FBXL4: variants seen among roughly 807,000 people sequenced by gnomAD.
The protein encoded by FBXL4 is F-box/LRR-repeat protein 4.
A neutral mutation model predicts 58.9 loss-of-function variants in FBXL4; 40 were observed. The observed-to-expected ratio is 0.68, with a 90% CI of 0.53 to 0.88. The LOEUF (loss-of-function observed/expected upper bound fraction) is 0.88, where lower values mean the gene tolerates loss of function less well. FBXL4 is among the 40% of genes least tolerant of loss of function. FBXL4 has a pLI of 0.00. For synonymous variants in FBXL4, 263 were observed against 265.5 expected (o/e 0.99, Z 0.09); for missense variants, 676 against 734.4 (o/e 0.92, Z 0.92).
chr6:98,912,445 C>A (rs183187981), intron 5 of FBXL4, among the ~76,000 whole-genome samples: 1,783 of 152,134 alleles, frequency 0.012, 35 homozygotes, highest in Middle Eastern at 0.061. Flanking sequence ...GGTTACCCAC[C>A]AAGGGAAGCC....
Position 98,924,168 on chromosome 6 carries a change from C to T in FBXL4, c.512+2309G>A, listed in dbSNP as rs187536074. ...ACTGGAGAAAACACATTACATGTTCCATTGATCTCCTCCCTAAATCTTTTC... is the reference window on the plus strand; with the variant it reads ...ACTGGAGAAAACACATTACATGTTCTATTGATCTCCTCCCTAAATCTTTTC... On this transcript the variant is annotated intron_variant, in intron 4 of 9. Transcript: ENST00000369244. Among the ~76,000 whole-genome samples, 283 of 152,260 alleles carry T rather than the reference C, an allele frequency of 1.9e-3. 2 individuals are homozygous for T. Among genetic ancestry groups the T allele is most frequent in the African/African-American group, 6.7e-3 (277 of 41,558 alleles).
At chr6:98,947,503 T>C (rs1287577939) in intron 1 of FBXL4, among the ~76,000 whole-genome samples, 1 of 152,190 alleles carries the variant, frequency 6.6e-6, no homozygotes, top group Non-Finnish European at 1.5e-5. Context: ...CCCCGCGGTG[T>C]AAACAACCCT....
At chr6:98,909,078 A>G (rs996608691) in intron 5 of FBXL4, among the ~76,000 whole-genome samples, 19 of 152,148 alleles carry the variant, frequency 1.2e-4, no homozygotes, top group African/African-American at 4.6e-4. Context: ...AGGAAAACCG[A>G]TATTTTTACT....
At chr6:98,939,638 T>C (rs1008321809) in intron 1 of FBXL4, among the ~76,000 whole-genome samples, 1 of 152,230 alleles carries the variant, frequency 6.6e-6, no homozygotes, top group Admixed American at 6.5e-5. Context: ...TAACCATAGC[T>C]GCAGACTGTA....
chr6:98,941,794 G>A (rs1773442128), intron 1 of FBXL4, among the ~76,000 whole-genome samples: 1 of 152,110 alleles, frequency 6.6e-6, no homozygotes, highest in Admixed American at 6.6e-5. Flanking sequence ...TAAAGACAGG[G>A]AAACAAGTTA....
intron 7 of FBXL4, among the ~76,000 whole-genome samples, chr6:98,896,455 T>G (rs886205622): frequency 6.6e-6 from 1 of 152,164 alleles, no homozygotes; most frequent in Non-Finnish European, 1.5e-5. Flanking sequence ...CTGATACAGA[T>G]CCCAAGAATG....
intron 5 of FBXL4, among the ~76,000 whole-genome samples, chr6:98,913,311 C>T (rs939958727): frequency 2.0e-5 from 3 of 152,128 alleles, no homozygotes; most frequent in African/African-American, 4.8e-5. Context: ...GAACTCAGCT[C>T]GGCATCAAGC....
chr6:98,928,159 C>G (rs1205322673), intron 2 of FBXL4, among the ~76,000 whole-genome samples: 1 of 152,158 alleles, frequency 6.6e-6, no homozygotes, highest in East Asian at 1.9e-4. Context: ...CATGAGCTCT[C>G]TCAGTGGCCA....
rs1048905949 is a variant in FBXL4, at chr6:98,899,143, G to A, written c.1317+125C>T. On this transcript the variant is annotated intron_variant, in intron 7 of 9. Transcript: ENST00000369244. ...CTGAATCAGCTCTATTGATTTCAGA[G>A]TAGTCAGAAGGCATCATAAACTTGA... 5 of 1,451,822 alleles carry A rather than the reference G, an allele frequency of 3.4e-6. No homozygotes were observed. The African/African-American group carries it at 5.7e-5, about 17-fold the overall frequency. The allele number at this position is 1,451,822 out of a possible 1,614,324, so 89.9% of individuals were successfully genotyped here.
chr6:98,893,716 T>C (rs1285561533), intron 7 of FBXL4, among the ~76,000 whole-genome samples: 1 of 152,208 alleles, frequency 6.6e-6, no homozygotes, highest in African/African-American at 2.4e-5. Context: ...TATTATGTTT[T>C]CAACTTATAT....
chr6:98,888,874 T>C (rs1211590085), intron 7 of FBXL4, among the ~76,000 whole-genome samples: 1 of 152,202 alleles, frequency 6.6e-6, no homozygotes, highest in Non-Finnish European at 1.5e-5. Context: ...CAATGATTTA[T>C]TTTACATTCC....
intron 4 of FBXL4, among the ~76,000 whole-genome samples, chr6:98,920,023 C>T (rs1772519505): frequency 6.6e-6 from 1 of 151,990 alleles, no homozygotes. Flanking sequence ...TTAAGAAGAA[C>T]ACTGAAAATA....
At chr6:98,881,006 A>C (rs1047373578) in intron 7 of FBXL4, among the ~76,000 whole-genome samples, 1 of 152,022 alleles carries the variant, frequency 6.6e-6, no homozygotes, top group Non-Finnish European at 1.5e-5. Context: ...AAGACAAAAA[A>C]CCCGCAGCAG....
chr6:98,885,693 A>G (rs944820397), intron 7 of FBXL4, among the ~76,000 whole-genome samples: 1 of 152,156 alleles, frequency 6.6e-6, no homozygotes, highest in African/African-American at 2.4e-5. Flanking sequence ...TCAGACTACA[A>G]CTACACTATC....
At chr6:98,919,974 T>C (rs1370237164) in intron 4 of FBXL4, among the ~76,000 whole-genome samples, 1 of 152,142 alleles carries the variant, frequency 6.6e-6, no homozygotes, top group Non-Finnish European at 1.5e-5. Flanking sequence ...TAAACCAGCC[T>C]ACTTTGTTGT....
At chr6:98,883,284 C>G (rs1770915854) in intron 7 of FBXL4, among the ~76,000 whole-genome samples, 1 of 151,892 alleles carries the variant, frequency 6.6e-6, no homozygotes, top group African/African-American at 2.4e-5. Context: ...GTTGTTTCTT[C>G]CTTCTTGACT....
At chr6:98,903,412 A>C (rs1771685696) in intron 6 of FBXL4, among the ~76,000 whole-genome samples, 1 of 152,158 alleles carries the variant, frequency 6.6e-6, no homozygotes, top group East Asian at 1.9e-4. Flanking sequence ...CTACACTTAA[A>C]GGAATGCCAT....
Position 98,874,200 on chromosome 6 carries a change from T to TA in FBXL4, c.*77dup. 1 of 1,198,130 alleles carries TA rather than the reference T, an allele frequency of 8.3e-7. No homozygotes were observed. The allele number at this position is 1,198,130 out of a possible 1,614,324, so 74.2% of individuals were successfully genotyped here. A position where few individuals can be genotyped will look rare whatever the true frequency, so the allele number is the denominator to read the frequency against. On this transcript the variant is annotated 3_prime_UTR_variant, in exon 10 of 10. Transcript: ENST00000369244. ...TCTTAATTCTTACCATTAAAACAAC[T>TA]AAAAACAAAACCCAAAACCAATCCC...
chr6:98,939,254 G>A (rs144308592), intron 1 of FBXL4, among the ~76,000 whole-genome samples: 2 of 152,216 alleles, frequency 1.3e-5, no homozygotes, highest in East Asian at 1.9e-4. Context: ...ATCATCTGCT[G>A]CCTCTTGAAC....
Sources: gnomAD v4.1 joint callset for allele counts (sites outside exome capture counted in the v4.1 genomes callset) on GRCh38, gnomAD v4.1.1 for gene constraint, MANE v1.5 for transcripts, NCBI Gene and HGNC (gene_info 2026-07-23, HGNC 2026-07-21) for gene names.